Variants in MID2 observed in about 807,000 individuals in gnomAD.
The protein encoded by MID2 is midline 2.
Under a neutral mutation model 46.1 loss-of-function variants are expected in MID2, and 13 were observed. That is an observed-to-expected ratio of 0.28 (90% confidence interval 0.18 to 0.45). MID2 has a LOEUF of 0.45. Among genes scored for constraint, MID2 ranks in the 20% least tolerant of loss-of-function variants. The pLI is 1.00. For synonymous variants in MID2, 199 were observed against 212.3 expected, an observed-to-expected ratio of 0.94 and a Z score of 0.55; for missense variants, 431 against 575.4, an observed-to-expected ratio of 0.75 and a Z score of 2.57.
At chrX:107,884,094 T>G (rs1445547827) in intron 3 of MID2, among the ~76,000 whole-genome samples, 1 of 112,334 alleles carries the variant, frequency 8.9e-6, no homozygotes, top group East Asian at 2.8e-4. Flanking sequence ...TTTATCTACA[T>G]ACATATACAC....
Position 107,926,141 on chromosome X carries a change from A to G in MID2, c.1645A>G (p.Ile549Val), listed in dbSNP as rs201521734. ...CAAAATGACTCACAAGAAGTTGAAGATCTCCAATGATGGATTGCAGATGGA... is the reference window on the plus strand; with the variant it reads ...CAAAATGACTCACAAGAAGTTGAAGGTCTCCAATGATGGATTGCAGATGGA... Reference protein sequence around the residue: ...DPKMTHKKLKISNDGLQMEKD... With the variant: ...DPKMTHKKLKVSNDGLQMEKD... Residue 549 changes from isoleucine (I) to valine (V), a missense_variant, in exon 9 of 10, where the codon ATC (isoleucine) becomes GTC (valine). Transcript: ENST00000262843. 45 of 1,206,094 alleles carry G rather than the reference A, an allele frequency of 3.7e-5. No individual in the cohort carries two copies. Among genetic ancestry groups the G allele is most frequent in the Non-Finnish European group, 3.0e-5 (27 of 893,252 alleles).
At chrX:107,836,932 A>G (rs906760639) in intron 1 of MID2, among the ~76,000 whole-genome samples, 1 of 112,328 alleles carries the variant, frequency 8.9e-6, no homozygotes, top group African/African-American at 3.2e-5. Flanking sequence ...AGGTTATTTT[A>G]GAGTACTAAT....
intron 5 of MID2, among the ~76,000 whole-genome samples, chrX:107,912,525 T>A (rs985594108): frequency 8.9e-6 from 1 of 111,967 alleles, no homozygotes; most frequent in Admixed American, 9.5e-5. Context: ...TTACCTTCCA[T>A]GAACACTCCT....
At chrX:107,897,627 G>C (rs138086734) in intron 3 of MID2, among the ~76,000 whole-genome samples, 1,543 of 111,311 alleles carry the variant, frequency 0.014, 36 homozygotes, top group African/African-American at 0.048. Flanking sequence ...GAAACTTCCT[G>C]ATATAACAGG....
chrX:107,827,483 T>A, intron 1 of MID2, among the ~76,000 whole-genome samples: 1 of 111,500 alleles, frequency 9.0e-6, no homozygotes, highest in Non-Finnish European at 1.9e-5. Flanking sequence ...GATGGTTGTG[T>A]GTCTCTGAGG....
At chrX:107,849,401 G>T (rs748451433) in intron 2 of MID2, among the ~76,000 whole-genome samples, 87 of 110,526 alleles carry the variant, frequency 7.9e-4, no homozygotes, top group African/African-American at 2.7e-3. Context: ...TAAAGAGGTG[G>T]TGTCTTGATG....
At chrX:107,875,893 T>C (rs73529358) in intron 3 of MID2, among the ~76,000 whole-genome samples, 2,086 of 111,425 alleles carry the variant, frequency 0.019, 51 homozygotes, top group African/African-American at 0.064. Context: ...CAGAACTACC[T>C]GGGGCTCCTG....
At chrX:107,889,919 A>C (rs751321535) in intron 3 of MID2, among the ~76,000 whole-genome samples, 1 of 111,888 alleles carries the variant, frequency 8.9e-6, no homozygotes, top group South Asian at 3.8e-4. Context: ...TCAGCTACTG[A>C]GGCTTGTGCA....
Position 107,917,655 on chromosome X carries a change from T to G in MID2, c.1351T>G (p.Ser451Ala). 2 of 1,211,835 alleles carry G rather than the reference T, an allele frequency of 1.7e-6. No homozygotes were observed. Among genetic ancestry groups the G allele is most frequent in the Non-Finnish European group, 2.2e-6 (2 of 895,508 alleles). ...FTGQANFISK[S>A]WCSWGLWPEI... ...TGGCCAGGCTAACTTCATCAGTAAG[T>G]CATGGTGTAGTTGGGGCCTGTGGCC... Residue 451 changes from serine to alanine, a missense_variant, in exon 7 of 10, where the codon TCA (serine) becomes GCA (alanine). Transcript: ENST00000262843.
intron 6 of MID2, 127 bp from the exon 7 acceptor site, chrX:107,917,379 A>G: frequency 1.7e-6 from 1 of 581,444 alleles, no homozygotes; most frequent in South Asian, 3.0e-5. Context: ...TGGTTCATGC[A>G]ATCTAAAGAT....
At chrX:107,871,475 A>C (rs1334337240) in intron 3 of MID2, among the ~76,000 whole-genome samples, 1 of 111,905 alleles carries the variant, frequency 8.9e-6, no homozygotes, top group Non-Finnish European at 1.9e-5. Flanking sequence ...TGTTACAGTC[A>C]GTGCTCTTTT....
Position 107,929,770 on chromosome X carries a change from A to G in MID2, c.*2697A>G, listed in dbSNP as rs1949822323. Reference sequence around the variant, plus strand: ...ACCTTTCCTCACCTCTATCTCTCTCAACCAGACTAACTCTTTATTCCTTAG... The same window carrying G: ...ACCTTTCCTCACCTCTATCTCTCTCGACCAGACTAACTCTTTATTCCTTAG... On this transcript the variant is annotated 3_prime_UTR_variant, in exon 10 of 10. Coordinates refer to ENST00000262843, the MANE Select transcript of MID2 (RefSeq NM_012216.4). 1.8e-5 allele frequency among the ~76,000 whole-genome samples: 2 copies of G among 110,925 alleles called. No homozygotes were observed. Among genetic ancestry groups the G allele is most frequent in the Non-Finnish European group, 3.8e-5 (2 of 52,865 alleles).
At chrX:107,866,043 G>C (rs190185039) in intron 3 of MID2, among the ~76,000 whole-genome samples, 1 of 112,477 alleles carries the variant, frequency 8.9e-6, no homozygotes, top group African/African-American at 3.2e-5. Context: ...GAAAAGGAAG[G>C]AGAAACAATT....
chrX:107,836,714 C>G (rs936383937), intron 1 of MID2, among the ~76,000 whole-genome samples: 1 of 110,602 alleles, frequency 9.0e-6, no homozygotes, highest in African/African-American at 3.3e-5. Context: ...ATTAGGAGTA[C>G]CCAGAACAAG....
At position 107,928,681 on chromosome X, in the gene MID2, A is replaced by G. The variant is rs754721733; in HGVS notation, c.*1608A>G. Among the ~76,000 whole-genome samples, 21 of 111,500 alleles carry G rather than the reference A, an allele frequency of 1.9e-4. No homozygotes were observed. Among genetic ancestry groups the G allele is most frequent in the Non-Finnish European group, 3.8e-5 (2 of 53,028 alleles). ...TACCAAACTACTGCCATGGGAGTGCACATATTAACAAAATGCTCTACCTGC... is the reference window on the plus strand; with the variant it reads ...TACCAAACTACTGCCATGGGAGTGCGCATATTAACAAAATGCTCTACCTGC... On this transcript the variant is annotated 3_prime_UTR_variant, in exon 10 of 10. Coordinates refer to ENST00000262843, the MANE Select transcript of MID2 (RefSeq NM_012216.4).
chrX:107,869,350 G>A (rs963256922), intron 3 of MID2, among the ~76,000 whole-genome samples: 6 of 110,667 alleles, frequency 5.4e-5, no homozygotes, highest in Non-Finnish European at 9.5e-5. Flanking sequence ...CCATTCTTAC[G>A]CCAATACCTT....
chrX:107,830,627 T>C (rs1931070605), intron 1 of MID2, among the ~76,000 whole-genome samples: 1 of 112,153 alleles, frequency 8.9e-6, no homozygotes, highest in Non-Finnish European at 1.9e-5. Flanking sequence ...GGTGTTGCAC[T>C]AACATCTGTA....
chrX:107,850,682 AAACT>A (rs1267881182), intron 2 of MID2, among the ~76,000 whole-genome samples: 1 of 112,272 alleles, frequency 8.9e-6, no homozygotes, highest in African/African-American at 3.2e-5. Context: ...TGCTAGGGGC[AAACT>A]AACCATTTGC....
intron 3 of MID2, among the ~76,000 whole-genome samples, chrX:107,860,571 A>G (rs1270525189): frequency 8.9e-6 from 1 of 112,611 alleles, no homozygotes; most frequent in African/African-American, 3.2e-5. Flanking sequence ...TCACAATACA[A>G]TAACAAACTG....
Sources: allele counts gnomAD v4.1 joint callset (sites outside exome capture counted in the v4.1 genomes callset), GRCh38; gene constraint gnomAD v4.1.1; transcripts MANE v1.5; gene names NCBI Gene and HGNC (gene_info 2026-07-23, HGNC 2026-07-21).